Variants in RBM44 observed in about 807,000 individuals in gnomAD.
RBM44 encodes RNA binding motif protein 44.
Under a neutral mutation model 105.1 loss-of-function variants are expected in RBM44, and 66 were observed. The ratio of observed to expected loss-of-function variants is 0.63; its 90% CI spans 0.52 to 0.77. The LOEUF (loss-of-function observed/expected upper bound fraction) is 0.77, where lower values mean the gene tolerates loss of function less well. Among genes scored for constraint, RBM44 ranks in the 30% least tolerant of loss-of-function variants. The probability of loss-of-function intolerance (pLI) is 0.00; values close to 1 mark genes in which losing one functional copy is unlikely to be tolerated. For synonymous variants in RBM44, 365 were observed against 417.6 expected (o/e 0.87, Z 1.54); for missense variants, 1,122 against 1,207.8 (o/e 0.93, Z 1.05).
rs1210420472 is a variant in RBM44 at position 237,821,137 on chromosome 2, A to G, written c.1980A>G (p.Leu660=). The change falls in exon 6 of 16, where the codon TTA becomes TTG. Residue 660 remains leucine, a synonymous_variant. Transcript: ENST00000316997. ...GSALLSLLGD[L]KVRYVTLKEK... ...CACTACTGTCTCTTTTGGGGGACTT[A>G]AAAGTTAGATATGTGACTTTGAAAG... The G allele has an allele frequency of 5.0e-6, 8 of 1,611,180 alleles. No homozygotes were observed. Among genetic ancestry groups the G allele is most frequent in the Non-Finnish European group, 6.8e-6 (8 of 1,178,734 alleles).
Position 237,799,611 on chromosome 2 carries a change from C to T in RBM44, c.-19+750C>T, listed in dbSNP as rs951075866. 3.9e-5 allele frequency among the ~76,000 whole-genome samples: 6 copies of T among 152,084 alleles called. No individual in the cohort carries two copies. In the East Asian group the frequency reaches 1.2e-3, roughly 29 times the overall value. On this transcript the variant is annotated intron_variant, in intron 1 of 15. Coordinates refer to ENST00000316997, the MANE Select transcript of RBM44 (RefSeq NM_001080504.3). ...GTGAGCCACCGCGCCCGGCCAGGGC[C>T]TGACTTTTTAAGGAAATGGAAAGGA... is the stretch of plus-strand genomic sequence containing the variant.
At position 237,803,405 on chromosome 2, in the gene RBM44, A is replaced by T. The variant is rs550581988; in HGVS notation, c.-19+4544A>T. On this transcript the variant is annotated intron_variant, in intron 1 of 15. Transcript: ENST00000316997. The surrounding 1 kb of genome is among the most constrained non-coding windows in gnomAD (Gnocchi z 4.2). ...TTTTAAGCCATTCTAATGAATGTGA[A>T]GTGGTACCGTGGTTGTTTAAATTTG... Among the ~76,000 whole-genome samples the T allele has an allele frequency of 6.6e-6, 1 of 152,272 alleles. No individual in the cohort carries two copies. The highest frequency in any genetic ancestry group is 6.5e-5 in the Admixed American group (1 of 15,298).
intron 7 of RBM44, 30 bp from the exon 8 acceptor site, chr2:237,821,713 A>G (rs1344686446): frequency 2.0e-5 from 29 of 1,459,452 alleles, no homozygotes; most frequent in Non-Finnish European, 2.7e-5. Flanking sequence ...CAAACATTAG[A>G]TCATATTTCT....
Position 237,817,922 on chromosome 2 carries a change from A to G in RBM44, c.1003A>G (p.Ile335Val). The G allele has an allele frequency of 6.3e-7, 1 of 1,598,726 alleles. No individual in the cohort carries two copies. Among genetic ancestry groups the G allele is most frequent in the Non-Finnish European group, 8.5e-7 (1 of 1,175,078 alleles). ...KIYTENMKSQ[I>V]NEGKDFCGNK... is the part of the protein sequence containing the mutation. ...TTATACTGAAAACATGAAATCTCAAATAAATGAAGGTAAAGATTTTTGTGG... is the reference window on the plus strand; with the variant it reads ...TTATACTGAAAACATGAAATCTCAAGTAAATGAAGGTAAAGATTTTTGTGG... The change falls in exon 3 of 16, where the codon ATA becomes GTA. Residue 335 changes from isoleucine (I) to valine (V), a missense_variant. Physicochemically the swap from Ile to Val is conservative, Grantham distance 29. Coordinates refer to ENST00000316997, the MANE Select transcript of RBM44 (RefSeq NM_001080504.3).
At chr2:237,836,881 T>C (rs1483839366) in intron 15 of RBM44, among the ~76,000 whole-genome samples, 1 of 152,030 alleles carries the variant, frequency 6.6e-6, no homozygotes, top group East Asian at 1.9e-4. Flanking sequence ...TCTCCCACTT[T>C]AGCCTCCCAA....
rs2061571457 is a variant in RBM44, at chr2:237,803,834, A to G, written c.-19+4973A>G. ...TTTTTCCCTCTAGGTAAAAATCTAG[A>G]TAGTAGAAATATACTTGTGCCAGTA... On this transcript the variant is annotated intron_variant, in intron 1 of 15. Transcript: ENST00000316997. This position sits in a 1 kb window ranked among gnomAD's most constrained non-coding sequence, Gnocchi z 4.2. Among the ~76,000 whole-genome samples, 2 of 151,800 alleles carry G rather than the reference A, an allele frequency of 1.3e-5. No homozygotes were observed. Among genetic ancestry groups the G allele is most frequent in the East Asian group, 1.9e-4 (1 of 5,162 alleles).
intron 13 of RBM44, among the ~76,000 whole-genome samples, chr2:237,830,222 C>T (rs986111983): frequency 9.2e-5 from 14 of 152,118 alleles, no homozygotes; most frequent in African/African-American, 3.4e-4. Flanking sequence ...TGGCTTCTTT[C>T]CCTGAATGCA....
chr2:237,818,010 A>G lies in RBM44; in HGVS notation c.1091A>G (p.Asp364Gly). Reference sequence around the variant, plus strand: ...GAAAATCCTAGCACATTACCACAGGATAAAGCTTTAGAGACATTACTCCAA... The same window carrying G: ...GAAAATCCTAGCACATTACCACAGGGTAAAGCTTTAGAGACATTACTCCAA... Reference protein sequence around the residue: ...HLENPSTLPQDKALETLLQPC... With the variant: ...HLENPSTLPQGKALETLLQPC... The change falls in exon 3 of 16, where the codon GAT (aspartate) becomes GGT (glycine). Residue 364 changes from aspartate to glycine, a missense_variant. Physicochemically the swap from Asp to Gly is moderately conservative, Grantham distance 94. Around this residue, in one of 3 missense-constraint regions of RBM44, gnomAD observed 918 missense variants for 955.3 expected, o/e 0.96. Transcript: ENST00000316997. This position sits in a 1 kb window ranked among gnomAD's most constrained non-coding sequence, Gnocchi z 4.6. 6.2e-7 allele frequency: 1 copy of G among 1,613,052 alleles called. No individual in the cohort carries two copies. The highest frequency in any genetic ancestry group is 8.5e-7 in the Non-Finnish European group (1 of 1,179,344).
In RBM44 at chr2:237,818,773, C is replaced by G; in HGVS notation, c.1678-128C>G. On this transcript the variant is annotated intron_variant, in intron 3 of 15. Coordinates refer to ENST00000316997, the MANE Select transcript of RBM44 (RefSeq NM_001080504.3). The surrounding 1 kb of genome is among the most constrained non-coding windows in gnomAD (Gnocchi z 4.6). ...TTAAAAAAAAAAGACGTGTAAATTA[C>G]CACCAGTTCTATCCTCCTCTCCTGG... 1.6e-6 allele frequency: 1 copy of G among 640,640 alleles called. No individual in the cohort carries two copies. The highest frequency in any genetic ancestry group is 2.6e-6 in the Non-Finnish European group (1 of 386,552). 39.7% of individuals were successfully genotyped at this position (640,640 alleles called of 1,614,324 possible).
intron 9 of RBM44, 51 bp downstream of exon 9, chr2:237,823,605 G>A: frequency 1.2e-6 from 1 of 827,844 alleles, no homozygotes; most frequent in East Asian, 2.7e-5. Context: ...ACAAAATAAG[G>A]TTTAAAGTAT....
At chr2:237,812,716 CAAT>C (rs1189480142) in intron 1 of RBM44, among the ~76,000 whole-genome samples, 1 of 152,050 alleles carries the variant, frequency 6.6e-6, no homozygotes, top group Non-Finnish European at 1.5e-5. Context: ...TGGAGAGTGA[CAAT>C]AAGTAGGGGA....
At chr2:237,804,835 A>G (rs900518747) in intron 1 of RBM44, among the ~76,000 whole-genome samples, 2 of 151,964 alleles carry the variant, frequency 1.3e-5, no homozygotes, top group African/African-American at 2.4e-5. Context: ...TCTTTCTGCA[A>G]TTGTTTTTGG....
At chr2:237,839,362 C>T (rs2061989204) in intron 15 of RBM44, among the ~76,000 whole-genome samples, 1 of 152,130 alleles carries the variant, frequency 6.6e-6, no homozygotes, top group Admixed American at 6.6e-5. Context: ...CAACCTCCAC[C>T]TCCCAGATTC....
chr2:237,825,866 A>G (rs2061843119), intron 10 of RBM44, among the ~76,000 whole-genome samples: 1 of 152,178 alleles, frequency 6.6e-6, no homozygotes, highest in Admixed American at 6.5e-5. Context: ...TGTTTTCTCT[A>G]TAGAATACAT....
chr2:237,804,610 C>A (rs2061580058), intron 1 of RBM44, among the ~76,000 whole-genome samples: 1 of 152,230 alleles, frequency 6.6e-6, no homozygotes, highest in South Asian at 2.1e-4. Context: ...TGTTTATGTC[C>A]TTTGCCCATT....
In RBM44 at chr2:237,820,155, C is replaced by G. The variant is rs1364542073; in HGVS notation, c.1737-20C>G. Reference sequence around the variant, plus strand: ...AAAAATGTTTGGAATCTTACCTGATCCTATCTTTTATTTTTAAAGGGAATT... The same window carrying G: ...AAAAATGTTTGGAATCTTACCTGATGCTATCTTTTATTTTTAAAGGGAATT... On this transcript the variant is annotated intron_variant, in intron 4 of 15. Transcript: ENST00000316997. 1 of 1,410,946 alleles carries G rather than the reference C, an allele frequency of 7.1e-7. No individual in the cohort carries two copies. The highest frequency in any genetic ancestry group is 2.6e-5 in the East Asian group (1 of 38,902). The allele number at this position is 1,410,946 out of a possible 1,614,324, so 87.4% of individuals were successfully genotyped here.
chr2:237,822,116 A>G (rs2061798688), intron 8 of RBM44, among the ~76,000 whole-genome samples: 1 of 152,070 alleles, frequency 6.6e-6, no homozygotes, highest in African/African-American at 2.4e-5. Context: ...GTTGGTATAA[A>G]CATGGACTGT....
At chr2:237,806,391 A>G (rs1036658300) in intron 1 of RBM44, among the ~76,000 whole-genome samples, 5 of 152,036 alleles carry the variant, frequency 3.3e-5, no homozygotes, top group African/African-American at 4.8e-5. Context: ...TTTCCATCCT[A>G]CTTTCTTTGG....
intron 13 of RBM44, among the ~76,000 whole-genome samples, chr2:237,830,589 G>A (rs1017621005): frequency 6.6e-6 from 1 of 152,048 alleles, no homozygotes; most frequent in Admixed American, 6.6e-5. Context: ...TATTTGTTGA[G>A]GTAATTATTG....
Sources: allele counts gnomAD v4.1 joint callset (sites outside exome capture counted in the v4.1 genomes callset), GRCh38; gene constraint gnomAD v4.1.1; regional missense constraint gnomAD v4.1.1; non-coding constraint Gnocchi (gnomAD v3.1); transcripts MANE v1.5; gene names NCBI Gene and HGNC (gene_info 2026-07-23, HGNC 2026-07-21).